OSBPL11: variants seen among roughly 807,000 people sequenced by gnomAD.
OSBPL11 encodes oxysterol binding protein like 11, also known as oxysterol-binding protein-related protein 11.
Under a neutral mutation model 84.4 loss-of-function variants are expected in OSBPL11, and 33 were observed. That is an observed-to-expected ratio of 0.39 (90% CI 0.30 to 0.52). The LOEUF (loss-of-function observed/expected upper bound fraction) is 0.52, where lower values mean the gene tolerates loss of function less well. OSBPL11 is among the 20% of genes least tolerant of loss of function. The pLI, the probability that OSBPL11 is intolerant of heterozygous loss-of-function variation, is 0.72. For synonymous variants in OSBPL11, 276 were observed against 310.2 expected (o/e 0.89, Z 1.16); for missense variants, 736 against 901.1 (o/e 0.82, Z 2.35).
intron 6 of OSBPL11, among the ~76,000 whole-genome samples, chr3:125,566,005 G>GTTA (rs747817802): frequency 2.0e-5 from 3 of 151,842 alleles, no homozygotes; most frequent in African/African-American, 7.3e-5. Context: ...CACCCTACAC[G>GTTA]TTATTATTAT....
At position 125,572,694 on chromosome 3, in the gene OSBPL11, T is replaced by C. The variant is rs113465307; in HGVS notation, c.666+3495A>G. ...CTCCCCTCCTTGCCTTCCGCCATGA[T>C]TGTGAGGCCTCTCCATTCATGTGGA... On this transcript the variant is annotated intron_variant, in intron 5 of 12. Coordinates refer to ENST00000296220, the MANE Select transcript of OSBPL11 (RefSeq NM_022776.5). Among the ~76,000 whole-genome samples the C allele has an allele frequency of 8.9e-3, 1,359 of 151,966 alleles. 15 individuals carry two copies. The highest frequency in any genetic ancestry group is 0.031 in the African/African-American group (1,266 of 41,454).
At chr3:125,593,160 C>A (rs6773077) in intron 1 of OSBPL11, among the ~76,000 whole-genome samples, 42,689 of 152,048 alleles carry the variant, frequency 0.28, 6,065 homozygotes, top group Middle Eastern at 0.31. Context: ...CGGCGCCCCA[C>A]CCACAGCCCC....
At chr3:125,557,791 C>CTTTTTTTTTTT (rs11295103) in intron 8 of OSBPL11, among the ~76,000 whole-genome samples, 6 of 81,976 alleles carry the variant, frequency 7.3e-5, no homozygotes, top group Non-Finnish European at 1.1e-4. Context: ...ATACAACTTT[C>CTTTTTTTTTTT]TTTTTTTTTT....
chr3:125,550,985 C>A (rs1935897679), intron 9 of OSBPL11, among the ~76,000 whole-genome samples: 1 of 151,736 alleles, frequency 6.6e-6, no homozygotes, highest in Admixed American at 6.6e-5. Flanking sequence ...CATATTGAGA[C>A]CCTGTCTCTA....
At chr3:125,542,336 C>CT (rs1227119705) in intron 10 of OSBPL11, among the ~76,000 whole-genome samples, 17 of 115,004 alleles carry the variant, frequency 1.5e-4, no homozygotes, top group East Asian at 2.7e-4. Flanking sequence ...TCTTTTCTTT[C>CT]TTTTTTTTTT....
At chr3:125,572,742 T>C (rs1380230181) in intron 5 of OSBPL11, among the ~76,000 whole-genome samples, 4 of 151,366 alleles carry the variant, frequency 2.6e-5, no homozygotes. Flanking sequence ...TCCAACCTCT[T>C]TTTCTGTATA....
chr3:125,577,955 C>T (rs1054917968), intron 4 of OSBPL11, among the ~76,000 whole-genome samples: 2 of 152,122 alleles, frequency 1.3e-5, no homozygotes, highest in Non-Finnish European at 2.9e-5. Flanking sequence ...AGAACTATCA[C>T]GTGATCCAGC....
rs1480509462 is a variant in OSBPL11, at chr3:125,590,074, T to C, written c.164+4563A>G. On this transcript the variant is annotated intron_variant, in intron 1 of 12. Transcript: ENST00000296220. ...CAAGCTGACATGAAGAATACAAAAA[T>C]AATGAAAACATGCATATTTTATAAA... Among the ~76,000 whole-genome samples the C allele has an allele frequency of 2.6e-5, 4 of 152,100 alleles. No homozygotes were observed. The East Asian group carries it at 7.7e-4, about 29-fold the overall frequency.
chr3:125,572,125 G>A (rs1360931310), intron 5 of OSBPL11, among the ~76,000 whole-genome samples: 5 of 152,220 alleles, frequency 3.3e-5, no homozygotes, highest in Non-Finnish European at 7.3e-5. Flanking sequence ...GAGTCAAAGG[G>A]GATCATTTTG....
At position 125,538,618 on chromosome 3, in the gene OSBPL11, T is replaced by C. The variant is rs767676013; in HGVS notation, c.1857A>G (p.Val619=). 14 of 1,609,748 alleles carry C rather than the reference T, an allele frequency of 8.7e-6. No individual in the cohort carries two copies. The highest frequency in any genetic ancestry group is 2.7e-5 in the African/African-American group (2 of 74,812). ...CCACAGTGTTGGTGATGTTGTGCTTTACTTCAGCTGTAACCCTAGAAGCAG... is the reference window on the plus strand; with the variant it reads ...CCACAGTGTTGGTGATGTTGTGCTTCACTTCAGCTGTAACCCTAGAAGCAG... ...GGKLHRVTAE[V]KHNITNTVVC... Residue 619 remains valine (V), a synonymous_variant, in exon 11 of 13, where the codon GTA becomes GTG. Transcript: ENST00000296220.
intron 11 of OSBPL11, among the ~76,000 whole-genome samples, chr3:125,533,519 T>G (rs1271406174): frequency 1.3e-5 from 2 of 152,046 alleles, no homozygotes; most frequent in African/African-American, 4.8e-5. Context: ...GTCTTATAAT[T>G]TAAAGAATTA....
rs193216288 is a variant in OSBPL11 at position 125,590,758 on chromosome 3, A to G, written c.164+3879T>C. ...GTAGAGACTCAAAAATATTTGCTAC[A>G]TAAGTTAGAACATGAGTAAACCATA... On this transcript the variant is annotated intron_variant, in intron 1 of 12. Coordinates refer to ENST00000296220, the MANE Select transcript of OSBPL11 (RefSeq NM_022776.5). Among the ~76,000 whole-genome samples the G allele has an allele frequency of 1.6e-3, 241 of 152,316 alleles. 2 individuals carry two copies. Among genetic ancestry groups the G allele is most frequent in the African/African-American group, 5.0e-3 (208 of 41,564 alleles).
At chr3:125,563,224 A>T (rs914935177) in intron 7 of OSBPL11, among the ~76,000 whole-genome samples, 1 of 152,198 alleles carries the variant, frequency 6.6e-6, no homozygotes, top group Non-Finnish European at 1.5e-5. Flanking sequence ...ATAATAGTTT[A>T]TAAAAATATA....
intron 4 of OSBPL11, 98 bp from the exon 5 acceptor site, chr3:125,576,463 G>A (rs1580058841): frequency 1.1e-5 from 10 of 885,392 alleles, no homozygotes; most frequent in East Asian, 9.6e-5. Flanking sequence ...CATGAGCAGC[G>A]TTTAAAATTA....
chr3:125,554,218 A>G (rs1212938815), intron 8 of OSBPL11, among the ~76,000 whole-genome samples: 1 of 152,226 alleles, frequency 6.6e-6, no homozygotes, highest in Non-Finnish European at 1.5e-5. Flanking sequence ...AGACTGGAGA[A>G]TAGCAAGGAA....
intron 10 of OSBPL11, among the ~76,000 whole-genome samples, chr3:125,542,512 T>G (rs1469269853): frequency 9.4e-5 from 14 of 149,478 alleles, no homozygotes; most frequent in Non-Finnish European, 1.8e-4. Context: ...ATTTTGTATT[T>G]TTTTTTTTTT....
rs1157498167 is a variant in OSBPL11, at chr3:125,529,462, AT to A, written c.*1052del. The A allele has an allele frequency of 1.3e-5, 2 of 151,586 alleles. No individual in the cohort carries two copies. Among genetic ancestry groups the A allele is most frequent in the Admixed American group, 6.6e-5 (1 of 15,160 alleles). 9.4% of individuals were successfully genotyped at this position (151,586 alleles called of 1,614,324 possible). On this transcript the variant is annotated 3_prime_UTR_variant, in exon 13 of 13. Transcript: ENST00000296220. ...TTAAATTTCCTCAAAAAAAAAAAAA[AT>A]AAATAAAACCATACCTTACATGCGC...
chr3:125,584,522 C>G (rs916559006), intron 1 of OSBPL11, among the ~76,000 whole-genome samples: 1 of 152,180 alleles, frequency 6.6e-6, no homozygotes, highest in African/African-American at 2.4e-5. Flanking sequence ...CAAGATATTT[C>G]ATAATTCGCC....
intron 10 of OSBPL11, among the ~76,000 whole-genome samples, chr3:125,546,073 GC>G (rs1935808200): frequency 6.7e-6 from 1 of 150,326 alleles, no homozygotes; most frequent in South Asian, 2.1e-4. Flanking sequence ...GATTGCTTGA[GC>G]CCAGGAGTAC....
Sources: allele counts gnomAD v4.1 joint callset (sites outside exome capture counted in the v4.1 genomes callset), GRCh38; gene constraint gnomAD v4.1.1; transcripts MANE v1.5; gene names NCBI Gene and HGNC (gene_info 2026-07-23, HGNC 2026-07-21).